Variants in VRTN observed in about 807,000 individuals in gnomAD.
VRTN encodes vertebrae development associated.
A neutral mutation model predicts 18.2 loss-of-function variants in VRTN; 5 were observed. The observed-to-expected ratio is 0.27, with a 90% CI of 0.14 to 0.58. VRTN has a LOEUF of 0.58. Among genes scored for constraint, VRTN ranks in the 20% least tolerant of loss-of-function variants. The pLI is 0.91. For missense variants in VRTN, 741 were observed against 939.4 expected, an observed-to-expected ratio of 0.79 and a Z score of 2.76; for synonymous variants, 381 against 393.7, an observed-to-expected ratio of 0.97 and a Z score of 0.38.
chr14:74,348,105 ATTATCCAT>A (rs1163261031), upstream of VRTN, among the ~76,000 whole-genome samples: 4 of 152,000 alleles, frequency 2.6e-5, no homozygotes, highest in East Asian at 7.7e-4. Flanking sequence ...CTCTTAAGCA[ATTATCCAT>A]AGCTAGTTTC....
chr14:74,356,710 A>G, intron 1 of VRTN, 73 bp from the exon 2 acceptor site: 1 of 1,499,170 alleles, frequency 6.7e-7, no homozygotes, highest in Non-Finnish European at 8.9e-7. Flanking sequence ...GCAGGAGTGG[A>G]CAGGGCACCT....
chr14:74,326,688 C>T (rs945362898), intron 1 of VRTN, among the ~76,000 whole-genome samples: 11 of 152,096 alleles, frequency 7.2e-5, no homozygotes, highest in Non-Finnish European at 1.5e-5. Flanking sequence ...GGGGCCCCTT[C>T]CCTGGACTCC....
intron 2 of VRTN, among the ~76,000 whole-genome samples, chr14:74,340,504 A>G (rs1160016676): frequency 6.6e-6 from 1 of 152,044 alleles, no homozygotes; most frequent in Non-Finnish European, 1.5e-5. Flanking sequence ...CCGCCTCCCA[A>G]AGTGCTGGGA....
intron 1 of VRTN, among the ~76,000 whole-genome samples, chr14:74,326,161 T>G (rs967584402): frequency 6.6e-6 from 1 of 152,108 alleles, no homozygotes; most frequent in Non-Finnish European, 1.5e-5. Context: ...GGGACCTCAA[T>G]TGATATGTCC....
rs112500143 is a variant in VRTN at position 74,320,250 on chromosome 14, T to C, written c.-164+17074T>C. Among the ~76,000 whole-genome samples the C allele has an allele frequency of 6.4e-3, 198 of 31,142 alleles. 2 individuals carry two copies. The highest frequency in any genetic ancestry group is 0.035 in the African/African-American group (188 of 5,388). 20.4% of individuals were successfully genotyped at this position (31,142 alleles called of 152,430 possible). ...GGGTGACAGAGCAAGATCCCATCCC[T>C]TTTTTTTTTTTTTTTTTTTTTTTTT... is the stretch of plus-strand genomic sequence containing the variant. On this transcript the variant is annotated intron_variant, in intron 1 of 2. Transcript: ENST00000557177.
Position 74,358,774 on chromosome 14 carries a change from A to G in VRTN, c.1991A>G (p.Gln664Arg), listed in dbSNP as rs1255395437. ...QAKLFLQKRF[Q>R]SKSFPSYKEF... ...AAGCTGTTCTTGCAGAAGCGCTTCC[A>G]GTCCAAGAGCTTTCCCTCCTACAAG... The change falls in exon 2 of 2, where the codon CAG becomes CGG. Residue 664 changes from glutamine (Q) to arginine (R), a missense_variant. This residue lies in a region of VRTN where 61 missense variants were observed against 104.6 expected (regional missense o/e 0.58). Coordinates refer to ENST00000256362, the MANE Select transcript of VRTN (RefSeq NM_018228.3). The surrounding 1 kb of genome is among the most constrained non-coding windows in gnomAD (Gnocchi z 5.4). 1 of 1,614,252 alleles carries G rather than the reference A, an allele frequency of 6.2e-7. No homozygotes were observed. Among genetic ancestry groups the G allele is most frequent in the Admixed American group, 1.7e-5 (1 of 60,038 alleles).
At chr14:74,311,289 C>A (rs1293639210) in intron 1 of VRTN, among the ~76,000 whole-genome samples, 1 of 152,126 alleles carries the variant, frequency 6.6e-6, no homozygotes, top group Non-Finnish European at 1.5e-5. Context: ...CTGTTCACAG[C>A]TTCTTAGGAA....
At chr14:74,351,495 GTTTT>G (rs59810913) in intron 1 of VRTN, among the ~76,000 whole-genome samples, 1 of 89,686 alleles carries the variant, frequency 1.1e-5, no homozygotes, top group Admixed American at 1.3e-4. Flanking sequence ...TGATTACCAG[GTTTT>G]TTTTTTTTTT....
chr14:74,354,531 AGT>A (rs2085710442), intron 1 of VRTN, among the ~76,000 whole-genome samples: 2 of 151,676 alleles, frequency 1.3e-5, no homozygotes, highest in African/African-American at 4.8e-5. Flanking sequence ...CAGCCTCCTG[AGT>A]AGCTGGGACC....
chr14:74,354,949 C>T (rs1345434613), intron 1 of VRTN, among the ~76,000 whole-genome samples: 2 of 151,722 alleles, frequency 1.3e-5, no homozygotes, highest in Non-Finnish European at 2.9e-5. Flanking sequence ...TGAGACCAGC[C>T]TGGCCAACAT....
intron 1 of VRTN, among the ~76,000 whole-genome samples, chr14:74,311,536 A>G (rs1013657518): frequency 4.0e-5 from 6 of 151,220 alleles, no homozygotes; most frequent in Non-Finnish European, 7.4e-5. Context: ...CTCCCTCCCA[A>G]GTAGCTGGGA....
At chr14:74,326,642 A>T (rs1181222732) in intron 1 of VRTN, among the ~76,000 whole-genome samples, 2 of 151,864 alleles carry the variant, frequency 1.3e-5, no homozygotes, top group African/African-American at 4.8e-5. Flanking sequence ...CACCTTTTAC[A>T]TAGCCAAGCC....
intron 1 of VRTN, among the ~76,000 whole-genome samples, chr14:74,314,394 C>CT (rs10676222): frequency 0.39 from 41,921 of 108,244 alleles, 9,241 homozygotes; most frequent in Middle Eastern, 0.5. Context: ...AAAAACTGTT[C>CT]TTTTTTTTTT....
chr14:74,343,212 T>C (rs2085619845), intron 2 of VRTN, among the ~76,000 whole-genome samples: 2 of 152,222 alleles, frequency 1.3e-5, no homozygotes, highest in East Asian at 3.9e-4. Flanking sequence ...CTGCAAACTC[T>C]ACCTTCCAGG....
intron 1 of VRTN, among the ~76,000 whole-genome samples, chr14:74,321,283 A>G (rs1256266699): frequency 1.3e-5 from 2 of 152,226 alleles, no homozygotes; most frequent in African/African-American, 4.8e-5. Context: ...CTTACTAAGT[A>G]GGAGCTGCAT....
chr14:74,342,607 C>A (rs758425572), intron 2 of VRTN, among the ~76,000 whole-genome samples: 3 of 150,058 alleles, frequency 2.0e-5, no homozygotes, highest in Non-Finnish European at 4.4e-5. Context: ...GGAAAATGGG[C>A]AAAGGATATT....
At chr14:74,324,680 T>C (rs1054105025) in intron 1 of VRTN, among the ~76,000 whole-genome samples, 1 of 151,724 alleles carries the variant, frequency 6.6e-6, no homozygotes, top group Non-Finnish European at 1.5e-5. Context: ...TTGAGCCCGG[T>C]AGTTTGAGGC....
At chr14:74,339,499 G>A (rs2140205693) in intron 2 of VRTN, among the ~76,000 whole-genome samples, 1 of 152,150 alleles carries the variant, frequency 6.6e-6, no homozygotes, top group African/African-American at 2.4e-5. Flanking sequence ...AAAAAGGAAG[G>A]AGAAAGAAAG....
Position 74,356,834 on chromosome 14 carries a change from A to G in VRTN, c.51A>G (p.Glu17=), listed in dbSNP as rs958426527. The G allele has an allele frequency of 5.0e-6, 8 of 1,612,150 alleles. No homozygotes were observed. The Admixed American group carries it at 6.7e-5, about 14-fold the overall frequency. Residue 17 remains glutamate (E), a synonymous_variant, in exon 2 of 2, where the codon GAA becomes GAG. Coordinates refer to ENST00000256362, the MANE Select transcript of VRTN (RefSeq NM_018228.3). ...AGAAGGTGCTGCAGGAGCTGCAGGA[A>G]GCAGTGGAGTGCGAAGGCCTGGAGG... is the stretch of plus-strand genomic sequence containing the variant. The part of the protein sequence containing the change: ...LVQKVLQELQ[E]AVECEGLEGL...
Sources: gnomAD v4.1 joint callset for allele counts (sites outside exome capture counted in the v4.1 genomes callset) on GRCh38, gnomAD v4.1.1 for gene constraint, gnomAD v4.1.1 regional missense constraint, Gnocchi (gnomAD v3.1) non-coding constraint, MANE v1.5 for transcripts, NCBI Gene and HGNC (gene_info 2026-07-23, HGNC 2026-07-21) for gene names.